The following BAZ1A variants were observed in gnomAD, a reference collection of about 807,000 sequenced individuals.
The protein encoded by BAZ1A is bromodomain adjacent to zinc finger domain protein 1A.
Under a neutral mutation model 185.2 loss-of-function variants are expected in BAZ1A, and 50 were observed. The observed-to-expected ratio is 0.27, with a 90% CI of 0.22 to 0.34. The LOEUF is 0.34. BAZ1A is among the 10% of genes least tolerant of loss of function. BAZ1A has a pLI of 1.00. For synonymous variants in BAZ1A, 571 were observed against 615.6 expected (o/e 0.93, Z 1.07); for missense variants, 1,356 against 1,839.9 (o/e 0.74, Z 4.81).
At chr14:34,841,308 G>C (rs553140825) in intron 3 of BAZ1A, among the ~76,000 whole-genome samples, 1 of 152,118 alleles carries the variant, frequency 6.6e-6, no homozygotes, top group Non-Finnish European at 1.5e-5. Context: ...TATTAATGTA[G>C]GGCTAAATTA....
intron 8 of BAZ1A, 139 bp from the exon 9 acceptor site, chr14:34,800,529 G>T: frequency 3.1e-6 from 2 of 654,210 alleles, no homozygotes; most frequent in Non-Finnish European, 4.8e-6. Flanking sequence ...CCTACAGGGA[G>T]CCAGCAGATT....
rs1227796865 is a variant in BAZ1A, at chr14:34,761,998, A to G, written c.4002T>C (p.Arg1334=). 1 of 1,614,114 alleles carries G rather than the reference A, an allele frequency of 6.2e-7. No homozygotes were observed. The part of the protein sequence containing the change: ...TETKSLRIAS[R]STRHSHGPLQ... ...GTGGGCCATGACTGTGGCGAGTAGA[A>G]CGACTGGCAATTCTTAAAGATTTTG... The change falls in exon 24 of 27, where the codon CGT becomes CGC. Residue 1334 remains arginine, a synonymous_variant. Coordinates refer to ENST00000360310, the MANE Select transcript of BAZ1A (RefSeq NM_013448.3).
intron 3 of BAZ1A, among the ~76,000 whole-genome samples, chr14:34,838,355 T>C (rs1309399580): frequency 6.6e-6 from 1 of 152,190 alleles, no homozygotes; most frequent in Non-Finnish European, 1.5e-5. Context: ...TTACTGGCAA[T>C]ATAGATTTCA....
At chr14:34,815,124 T>C (rs772424692) in intron 4 of BAZ1A, among the ~76,000 whole-genome samples, 34 of 152,336 alleles carry the variant, frequency 2.2e-4, no homozygotes, top group Non-Finnish European at 4.7e-4. Flanking sequence ...CGAGTTTATA[T>C]GTGCAAACAA....
Position 34,783,213 on chromosome 14 carries a change from C to G in BAZ1A, c.2017G>C (p.Glu673Gln). 3.8e-6 allele frequency: 6 copies of G among 1,594,662 alleles called. No individual in the cohort carries two copies. The South Asian group carries it at 6.7e-5, about 18-fold the overall frequency. Residue 673 changes from glutamate (E) to glutamine (Q), a missense_variant, in exon 16 of 27, where the codon GAA becomes CAA. Glu to Gln is a conservative substitution (Grantham distance 29). Transcript: ENST00000360310. ...TTTTGTTCTTGCTCCTTAAGTTTTT[C>G]TTCCTTCCTTTTACGAATTCTAAAA... is the stretch of plus-strand genomic sequence containing the variant. ...AAARIRKRKEEKLKEQEQKMK... is the reference protein window; with the variant it reads ...AAARIRKRKEQKLKEQEQKMK...
rs913504315 is a variant in BAZ1A at position 34,779,043 on chromosome 14, C to T, written c.2236+1143G>A. Among the ~76,000 whole-genome samples, 6 of 151,918 alleles carry T rather than the reference C, an allele frequency of 3.9e-5. No individual in the cohort carries two copies. The East Asian group carries it at 7.7e-4, about 20-fold the overall frequency. ...CTTGCTTTCTGGGTACTTTTTGTGGCGATGGGGTTTCACCAAGGCTGATTT... is the reference window on the plus strand; with the variant it reads ...CTTGCTTTCTGGGTACTTTTTGTGGTGATGGGGTTTCACCAAGGCTGATTT... On this transcript the variant is annotated intron_variant, in intron 17 of 26. Transcript: ENST00000360310.
At chr14:34,857,010 CTTT>C (rs957739210) in intron 3 of BAZ1A, among the ~76,000 whole-genome samples, 3 of 141,286 alleles carry the variant, frequency 2.1e-5, no homozygotes, top group East Asian at 2.1e-4. Flanking sequence ...CATCTTTTTT[CTTT>C]TTTTTTTTTT....
In BAZ1A at chr14:34,862,158, G is replaced by A. The variant is rs752106328; in HGVS notation, c.278C>T (p.Thr93Ile). ...EPLIIPVLYL[T>I]SLTHRSRLHE... ...TAAGCGCGAACGATGGGTAAGGCTG[G>A]TCAAGTATAAAACTGGAATAATTAG... Residue 93 changes from threonine to isoleucine, a missense_variant, in exon 3 of 27, where the codon ACC becomes ATC. Thr to Ile is a moderately conservative substitution (Grantham distance 89, BLOSUM62 -1). Around this residue, in one of 7 missense-constraint regions of BAZ1A, gnomAD observed 332 missense variants for 395.3 expected, o/e 0.84. Transcript: ENST00000360310. 2 of 1,614,044 alleles carry A rather than the reference G, an allele frequency of 1.2e-6. No homozygotes were observed. The highest frequency in any genetic ancestry group is 1.7e-5 in the Admixed American group (1 of 59,988).
At chr14:34,755,656 T>C (rs1005832175) in intron 25 of BAZ1A, among the ~76,000 whole-genome samples, 3 of 152,198 alleles carry the variant, frequency 2.0e-5, no homozygotes, top group Non-Finnish European at 2.9e-5. Context: ...ACTCTACTTC[T>C]GTAATACCAT....
At chr14:34,776,987 T>C (rs1259494935) in intron 17 of BAZ1A, among the ~76,000 whole-genome samples, 1 of 152,192 alleles carries the variant, frequency 6.6e-6, no homozygotes, top group Non-Finnish European at 1.5e-5. Flanking sequence ...TAATACACTA[T>C]GTTAATAAGA....
Position 34,800,095 on chromosome 14 carries a change from C to T in BAZ1A, c.1128+129G>A, listed in dbSNP as rs139549259. The T allele has an allele frequency of 2.7e-3, 2,597 of 977,726 alleles. 14 individuals are homozygous for T. The highest frequency in any genetic ancestry group is 0.021 in the Middle Eastern group (56 of 2,648). 60.6% of individuals were successfully genotyped at this position (977,726 alleles called of 1,614,324 possible). ...CAAAGCAAAAGGGAGATAAACCAATCAACTTTCTATGCACATTCATAAATG... is the reference window on the plus strand; with the variant it reads ...CAAAGCAAAAGGGAGATAAACCAATTAACTTTCTATGCACATTCATAAATG... On this transcript the variant is annotated intron_variant, in intron 9 of 26. Transcript: ENST00000360310.
At chr14:34,773,877 G>T in intron 19 of BAZ1A, 151 bp from the exon 20 acceptor site, 2 of 772,592 alleles carry the variant, frequency 2.6e-6, no homozygotes, top group Non-Finnish European at 4.1e-6. Flanking sequence ...TTACTAAGTG[G>T]CCAAACTGGA....
intron 19 of BAZ1A, among the ~76,000 whole-genome samples, chr14:34,773,962 G>C (rs1316983663): frequency 6.6e-6 from 1 of 152,082 alleles, no homozygotes. Context: ...TTCTAAGATT[G>C]GTCACTTGAT....
chr14:34,766,305 A>G (rs2138559989), intron 21 of BAZ1A, among the ~76,000 whole-genome samples: 1 of 152,362 alleles, frequency 6.6e-6, no homozygotes, highest in East Asian at 1.9e-4. Flanking sequence ...ACTTTAGAAG[A>G]TAAGAAACTA....
In BAZ1A at chr14:34,862,286, A is replaced by G. The variant is rs1410025848; in HGVS notation, c.150T>C (p.Leu50=). The G allele has an allele frequency of 5.0e-6, 8 of 1,614,012 alleles. No individual in the cohort carries two copies. Among genetic ancestry groups the G allele is most frequent in the Non-Finnish European group, 5.1e-6 (6 of 1,180,034 alleles). ...FFERTILCNS[L]VWSCAVTGRP... ...TACCCGTCACAGCACAACTCCACAC[A>G]AGGCTGTTGCACAGAATGGTTCGTT... Residue 50 remains leucine, a synonymous_variant, in exon 3 of 27, where the codon CTT becomes CTC. Coordinates refer to ENST00000360310, the MANE Select transcript of BAZ1A (RefSeq NM_013448.3).
At chr14:34,787,489 A>C (rs949447120) in intron 12 of BAZ1A, among the ~76,000 whole-genome samples, 3 of 150,124 alleles carry the variant, frequency 2.0e-5, no homozygotes, top group Non-Finnish European at 4.4e-5. Flanking sequence ...TTTGAGACCA[A>C]CCTGGCCAAC....
At position 34,784,679 on chromosome 14, in the gene BAZ1A, A is replaced by G. The variant is rs1328525925; in HGVS notation, c.1832-752T>C. 6.0e-5 allele frequency among the ~76,000 whole-genome samples: 9 copies of G among 151,152 alleles called. No homozygotes were observed. The East Asian group carries it at 6.0e-4, about 10-fold the overall frequency. On this transcript the variant is annotated intron_variant, in intron 14 of 26. Transcript: ENST00000360310. ...ACTACAGGCGCCCGCCACCACGCCT[A>G]GCTAATTTTTTTGTATTTTCAGTAG...
chr14:34,807,343 G>C (rs1006641066), intron 6 of BAZ1A, 108 bp downstream of exon 6: 20 of 731,358 alleles, frequency 2.7e-5, no homozygotes, highest in African/African-American at 2.4e-4. Flanking sequence ...GATTAAAAGA[G>C]AGCAATCTTT....
Position 34,835,797 on chromosome 14 carries a change from G to T in BAZ1A, c.393-9641C>A, listed in dbSNP as rs565363101. 2.7e-5 allele frequency among the ~76,000 whole-genome samples: 4 copies of T among 150,512 alleles called. No individual in the cohort carries two copies. In the South Asian group the frequency reaches 8.4e-4, roughly 32 times the overall value. On this transcript the variant is annotated intron_variant, in intron 3 of 26. Coordinates refer to ENST00000360310, the MANE Select transcript of BAZ1A (RefSeq NM_013448.3). ...AGCAATTCTCCTGCCTCAGCCTCCC[G>T]AGTAGCTGGGATTACAAGCATGCGC... is the stretch of plus-strand genomic sequence containing the variant.
Sources: allele counts gnomAD v4.1 joint callset (sites outside exome capture counted in the v4.1 genomes callset), GRCh38; gene constraint gnomAD v4.1.1; regional missense constraint gnomAD v4.1.1; transcripts MANE v1.5; gene names NCBI Gene and HGNC (gene_info 2026-07-23, HGNC 2026-07-21).